The following HACD4 variants were observed in gnomAD, a reference collection of about 807,000 sequenced individuals.
The protein encoded by HACD4 is very-long-chain (3R)-3-hydroxyacyl-CoA dehydratase 4.
A neutral mutation model predicts 33.3 loss-of-function variants in HACD4; 35 were observed. That is an observed-to-expected ratio of 1.05 (90% CI 0.80 to 1.39). HACD4 has a LOEUF of 1.39. Ranked by LOEUF, HACD4 falls within the 40% of genes most tolerant of loss-of-function variation. The pLI is 0.00. For missense variants in HACD4, 323 were observed against 276.5 expected, an observed-to-expected ratio of 1.17 and a Z score of -1.19; for synonymous variants, 118 against 98.0, an observed-to-expected ratio of 1.20 and a Z score of -1.21.
Position 21,031,580 on chromosome 9 carries a change from A to T in HACD4, c.11T>A (p.Leu4Ter). Reference sequence around the variant, plus strand: ...GGGCTGCAGCCAGGCGGGCAGCGCCAAGGGCCCCATGGGCCGCCGCCGCCA... The same window carrying T: ...GGGCTGCAGCCAGGCGGGCAGCGCCTAGGGCCCCATGGGCCGCCGCCGCCA... The part of the protein sequence containing the change: MGP[L>*]ALPAWLQPRY... The change falls in exon 1 of 7, where the codon TTG (leucine) becomes TAG (stop). Residue 4 changes from leucine to a stop codon, truncating the protein, a stop_gained. Coordinates refer to ENST00000495827, the MANE Select transcript of HACD4 (RefSeq NM_001010915.5). LOFTEE classifies it high-confidence loss of function. The T allele has an allele frequency of 6.9e-7, 1 of 1,447,384 alleles. No individual in the cohort carries two copies. The highest frequency in any genetic ancestry group is 1.4e-5 in the South Asian group (1 of 73,654). The allele number at this position is 1,447,384 out of a possible 1,614,324, so 89.7% of individuals were successfully genotyped here.
At chr9:21,020,533 A>T (rs1383436384) in intron 3 of HACD4, among the ~76,000 whole-genome samples, 1 of 152,212 alleles carries the variant, frequency 6.6e-6, no homozygotes, top group African/African-American at 2.4e-5. Flanking sequence ...ATAAAAGTCA[A>T]GTTGTTTTGA....
At chr9:21,025,366 C>G (rs1185242172) in intron 3 of HACD4, among the ~76,000 whole-genome samples, 3 of 151,320 alleles carry the variant, frequency 2.0e-5, no homozygotes, top group Non-Finnish European at 4.4e-5. Flanking sequence ...ATATAAGGAT[C>G]TATACCACTC....
chr9:21,031,573 C>A lies in HACD4; in HGVS notation c.18G>T (p.Leu6=), dbSNP rs1334550704. The A allele has an allele frequency of 4.0e-5, 58 of 1,452,184 alleles. No homozygotes were observed. Among genetic ancestry groups the A allele is most frequent in the Non-Finnish European group, 5.2e-5 (58 of 1,108,576 alleles). The allele number at this position is 1,452,184 out of a possible 1,614,324, so 90.0% of individuals were successfully genotyped here. MGPLA[L]PAWLQPRYRK... ...CCTACCTGGGCTGCAGCCAGGCGGG[C>A]AGCGCCAAGGGCCCCATGGGCCGCC... is the stretch of plus-strand genomic sequence containing the variant. Residue 6 remains leucine (L), a synonymous_variant, in exon 1 of 7, where the codon CTG becomes CTT. Transcript: ENST00000495827.
rs373687271 is a variant in HACD4, at chr9:21,003,820, T to C, written c.*3217A>G. The C allele has an allele frequency of 3.2e-4, 49 of 152,338 alleles. No individual in the cohort carries two copies. The highest frequency in any genetic ancestry group is 9.1e-4 in the African/African-American group (38 of 41,576). 9.4% of individuals were successfully genotyped at this position (152,338 alleles called of 1,614,324 possible). ...TTTTTCAAAACTATGTAAGGACATATGACTTACATTACAGTAATTAGCAAC... is the reference window on the plus strand; with the variant it reads ...TTTTTCAAAACTATGTAAGGACATACGACTTACATTACAGTAATTAGCAAC... On this transcript the variant is annotated 3_prime_UTR_variant, in exon 7 of 7. Transcript: ENST00000495827.
rs1842138533 is a variant in HACD4 at position 20,999,754 on chromosome 9, A to G, written c.*7283T>C. On this transcript the variant is annotated 3_prime_UTR_variant, in exon 7 of 7. Coordinates refer to ENST00000495827, the MANE Select transcript of HACD4 (RefSeq NM_001010915.5). Reference sequence around the variant, plus strand: ...CTTTAAAGATAGAGTTGCACACACAATTATGGGTGTCTATTATGTGCCACT... The same window carrying G: ...CTTTAAAGATAGAGTTGCACACACAGTTATGGGTGTCTATTATGTGCCACT... The G allele has an allele frequency of 6.6e-6, 1 of 152,192 alleles. No homozygotes were observed. The highest frequency in any genetic ancestry group is 6.5e-5 in the Admixed American group (1 of 15,270). The allele number at this position is 152,192 out of a possible 1,614,324, so 9.4% of individuals were successfully genotyped here. A position where few individuals can be genotyped will look rare whatever the true frequency, so the allele number is the denominator to read the frequency against.
At chr9:21,013,170 T>G (rs960141788) in intron 4 of HACD4, among the ~76,000 whole-genome samples, 8 of 152,306 alleles carry the variant, frequency 5.3e-5, no homozygotes, top group African/African-American at 1.7e-4. Flanking sequence ...TCATCAAGAT[T>G]TACTCCTATT....
At position 21,000,340 on chromosome 9, in the gene HACD4, T is replaced by A. The variant is rs1259813018; in HGVS notation, c.*6697A>T. 1 of 152,178 alleles carries A rather than the reference T, an allele frequency of 6.6e-6. No homozygotes were observed. The highest frequency in any genetic ancestry group is 2.4e-5 in the African/African-American group (1 of 41,452). 9.4% of individuals were successfully genotyped at this position (152,178 alleles called of 1,614,324 possible). A position where few individuals can be genotyped will look rare whatever the true frequency, so the allele number is the denominator to read the frequency against. On this transcript the variant is annotated 3_prime_UTR_variant, in exon 7 of 7. Transcript: ENST00000495827. The stretch of plus-strand genomic sequence containing the variant: ...AAAAATCATCCCTGTTCTGAAAACA[T>A]TGGTGGCTTTTATATAAGTAGTTCT...
In HACD4 at chr9:21,005,550, A is replaced by G. The variant is rs924914962; in HGVS notation, c.*1487T>C. On this transcript the variant is annotated 3_prime_UTR_variant, in exon 7 of 7. Transcript: ENST00000495827. This position sits in a 1 kb window ranked among gnomAD's most constrained non-coding sequence, Gnocchi z 4.0. Reference sequence around the variant, plus strand: ...TGAATTTGGGACCATAGAGCTATTCAGCTGTGAATGTACACTATTCTTCAA... The same window carrying G: ...TGAATTTGGGACCATAGAGCTATTCGGCTGTGAATGTACACTATTCTTCAA... 4 of 152,236 alleles carry G rather than the reference A, an allele frequency of 2.6e-5. No homozygotes were observed. The highest frequency in any genetic ancestry group is 2.6e-4 in the Admixed American group (4 of 15,286). The allele number at this position is 152,236 out of a possible 1,614,324, so 9.4% of individuals were successfully genotyped here. A position where few individuals can be genotyped will look rare whatever the true frequency, so the allele number is the denominator to read the frequency against.
rs73649329 is a variant in HACD4 at position 21,014,434 on chromosome 9, A to G, written c.383+1464T>C. 7.7e-3 allele frequency among the ~76,000 whole-genome samples: 1,173 copies of G among 152,328 alleles called. 18 individuals are homozygous for G. The highest frequency in any genetic ancestry group is 0.026 in the African/African-American group (1,087 of 41,570). ...CACAACACAGAGGAACCTTGAAAACATTATGCTAAGTAAAAGACGCCTGTC... is the reference window on the plus strand; with the variant it reads ...CACAACACAGAGGAACCTTGAAAACGTTATGCTAAGTAAAAGACGCCTGTC... On this transcript the variant is annotated intron_variant, in intron 4 of 6. Transcript: ENST00000495827.
rs1842234840 is a variant in HACD4 at position 21,004,958 on chromosome 9, GGT to G, written c.*2077_*2078del. The G allele has an allele frequency of 6.6e-6, 1 of 152,066 alleles. No individual in the cohort carries two copies. The highest frequency in any genetic ancestry group is 6.6e-5 in the Admixed American group (1 of 15,260). The allele number at this position is 152,066 out of a possible 1,614,324, so 9.4% of individuals were successfully genotyped here. A position where few individuals can be genotyped will look rare whatever the true frequency, so the allele number is the denominator to read the frequency against. On this transcript the variant is annotated 3_prime_UTR_variant, in exon 7 of 7. Coordinates refer to ENST00000495827, the MANE Select transcript of HACD4 (RefSeq NM_001010915.5). The surrounding 1 kb of genome is among the most constrained non-coding windows in gnomAD (Gnocchi z 4.6). The stretch of plus-strand genomic sequence containing the variant: ...TTTGGTGAGGGCTCAAAGAGAAGAG[GGT>G]GGGAGAGAAAGCCTCCATCTTCATA...
Position 21,028,004 on chromosome 9 carries a change from G to A in HACD4, c.143-1281C>T, listed in dbSNP as rs1278715472. Among the ~76,000 whole-genome samples, 11 of 151,736 alleles carry A rather than the reference G, an allele frequency of 7.2e-5. 1 individual carries two copies. In the East Asian group the frequency reaches 7.7e-4, roughly 11 times the overall value. ...ACAAAAATTAGCCAGGCATGGTGGC[G>A]GGCACCTGTAATCCCAGCTACTCAG... On this transcript the variant is annotated intron_variant, in intron 2 of 6. Transcript: ENST00000495827.
chr9:21,011,399 T>C (rs768791282), intron 5 of HACD4, among the ~76,000 whole-genome samples, 190 bp downstream of exon 5: 2 of 152,226 alleles, frequency 1.3e-5, no homozygotes, highest in Non-Finnish European at 2.9e-5. Context: ...TCCAGTATTT[T>C]GTCTACTGTG....
In HACD4 at chr9:21,003,250, T is replaced by A. The variant is rs919956732; in HGVS notation, c.*3787A>T. The A allele has an allele frequency of 2.6e-5, 4 of 152,126 alleles. No individual in the cohort carries two copies. Among genetic ancestry groups the A allele is most frequent in the African/African-American group, 9.6e-5 (4 of 41,464 alleles). 9.4% of individuals were successfully genotyped at this position (152,126 alleles called of 1,614,324 possible). On this transcript the variant is annotated 3_prime_UTR_variant, in exon 7 of 7. Coordinates refer to ENST00000495827, the MANE Select transcript of HACD4 (RefSeq NM_001010915.5). ...AGAAGTTTTTAAGTTAATCTGGTTT[T>A]AAAAAATTAAAGCATTATTTAATAA...
Position 21,001,128 on chromosome 9 carries a change from C to T in HACD4, c.*5909G>A, listed in dbSNP as rs1306682231. ...CTCTGAAAAAGACTTGATGGTGGAT[C>T]CACTAAAGGCTCTACAACGACTGCC... On this transcript the variant is annotated 3_prime_UTR_variant, in exon 7 of 7. Coordinates refer to ENST00000495827, the MANE Select transcript of HACD4 (RefSeq NM_001010915.5). 2 of 151,926 alleles carry T rather than the reference C, an allele frequency of 1.3e-5. No individual in the cohort carries two copies. Among genetic ancestry groups the T allele is most frequent in the Non-Finnish European group, 2.9e-5 (2 of 67,942 alleles). The allele number at this position is 151,926 out of a possible 1,614,324, so 9.4% of individuals were successfully genotyped here.
Position 21,006,451 on chromosome 9 carries a change from A to AT in HACD4, c.*585dup, listed in dbSNP as rs1295141559. 4 of 153,844 alleles carry AT rather than the reference A, an allele frequency of 2.6e-5. No individual in the cohort carries two copies. Among genetic ancestry groups the AT allele is most frequent in the Admixed American group, 1.3e-4 (2 of 15,276 alleles). 9.5% of individuals were successfully genotyped at this position (153,844 alleles called of 1,614,324 possible). ...AGAAGCGTTTGCTGTTGTTTAAGCC[A>AT]TTCGGTTTATGGTGTTCTATTATAG... On this transcript the variant is annotated 3_prime_UTR_variant, in exon 7 of 7. Transcript: ENST00000495827. This position sits in a 1 kb window ranked among gnomAD's most constrained non-coding sequence, Gnocchi z 4.6.
rs1350357756 is a variant in HACD4, at chr9:20,999,732, T to A, written c.*7305A>T. On this transcript the variant is annotated 3_prime_UTR_variant, in exon 7 of 7. Transcript: ENST00000495827. ...TTCTAGATGTAGTAGTGGCGTTCTT[T>A]AAAGATAGAGTTGCACACACAATTA... is the stretch of plus-strand genomic sequence containing the variant. 1 of 152,204 alleles carries A rather than the reference T, an allele frequency of 6.6e-6. No homozygotes were observed. Among genetic ancestry groups the A allele is most frequent in the Non-Finnish European group, 1.5e-5 (1 of 68,026 alleles). The allele number at this position is 152,204 out of a possible 1,614,324, so 9.4% of individuals were successfully genotyped here. A position where few individuals can be genotyped will look rare whatever the true frequency, so the allele number is the denominator to read the frequency against.
intron 3 of HACD4, among the ~76,000 whole-genome samples, chr9:21,023,942 T>C (rs1817997457): frequency 6.6e-6 from 1 of 152,218 alleles, no homozygotes; most frequent in Non-Finnish European, 1.5e-5. Flanking sequence ...GTTTTTTAGC[T>C]TACTTAAAAG....
At chr9:21,021,741 A>G (rs1421742661) in intron 3 of HACD4, among the ~76,000 whole-genome samples, 1 of 152,210 alleles carries the variant, frequency 6.6e-6, no homozygotes, top group Non-Finnish European at 1.5e-5. Flanking sequence ...GACACAAACA[A>G]ATGGAAGAAC....
intron 1 of HACD4, 29 bp downstream of exon 1, chr9:21,031,524 T>C (rs1818222380): frequency 4.1e-6 from 6 of 1,453,850 alleles, no homozygotes; most frequent in Admixed American, 2.6e-5. Flanking sequence ...CCGCGCCCCC[T>C]CCCCTCGGGA....
Sources: gnomAD v4.1 joint callset for allele counts (sites outside exome capture counted in the v4.1 genomes callset) on GRCh38, gnomAD v4.1.1 for gene constraint, Gnocchi (gnomAD v3.1) non-coding constraint, MANE v1.5 for transcripts, NCBI Gene and HGNC (gene_info 2026-07-23, HGNC 2026-07-21) for gene names.